The following MICAL3 variants were observed in gnomAD, a reference collection of about 807,000 sequenced individuals.
MICAL3 encodes the protein microtubule associated monooxygenase, calponin and LIM domain containing 3, also known as [F-actin]-monooxygenase MICAL3.
MICAL3 carries 62 observed loss-of-function variants against 207.4 expected under a neutral mutation model. The ratio of observed to expected loss-of-function variants is 0.30; its 90% CI spans 0.24 to 0.37. The LOEUF (loss-of-function observed/expected upper bound fraction) is 0.37. Ranked by LOEUF, MICAL3 falls within the 10% of genes least tolerant of loss-of-function variation. The pLI is 1.00. For missense variants in MICAL3, 2,368 were observed against 2,635.6 expected, an observed-to-expected ratio of 0.90 and a Z score of 2.22; for synonymous variants, 1,077 against 1,069.3, an observed-to-expected ratio of 1.01 and a Z score of -0.14.
intron 21 of MICAL3, among the ~76,000 whole-genome samples, chr22:17,830,712 G>A (rs1338531000): frequency 2.0e-5 from 3 of 152,218 alleles, no homozygotes; most frequent in East Asian, 1.9e-4. Flanking sequence ...GGGTCACTAA[G>A]GGCTGCCTGT....
chr22:17,821,080 G>C (rs1304589537), intron 25 of MICAL3, among the ~76,000 whole-genome samples: 1 of 150,834 alleles, frequency 6.6e-6, no homozygotes, highest in African/African-American at 2.4e-5. Context: ...TAATAAATTT[G>C]TTTAAATTAA....
chr22:17,960,438 C>T (rs1223594414), intron 1 of MICAL3, among the ~76,000 whole-genome samples: 2 of 152,190 alleles, frequency 1.3e-5, no homozygotes, highest in Non-Finnish European at 2.9e-5. Context: ...GTGAACAAAA[C>T]AAAAATTCCT....
At chr22:17,792,002 C>T (rs2061829633) in intron 29 of MICAL3, among the ~76,000 whole-genome samples, 1 of 152,234 alleles carries the variant, frequency 6.6e-6, no homozygotes, top group African/African-American at 2.4e-5. Flanking sequence ...TGCCCTGGTC[C>T]AATCCAACAG....
intron 1 of MICAL3, among the ~76,000 whole-genome samples, chr22:18,017,160 A>C (rs1271786176): frequency 1.3e-5 from 2 of 152,004 alleles, no homozygotes; most frequent in Non-Finnish European, 2.9e-5. Context: ...CCTTGTCCAC[A>C]ATCCCATGCC....
chr22:17,931,692 G>A (rs901254590), intron 1 of MICAL3, among the ~76,000 whole-genome samples: 1 of 152,214 alleles, frequency 6.6e-6, no homozygotes, highest in South Asian at 2.1e-4. Context: ...TGTGGAGGAA[G>A]GGCAGGGATG....
chr22:17,853,902 C>T (rs530157449), intron 19 of MICAL3, among the ~76,000 whole-genome samples: 15 of 152,320 alleles, frequency 9.8e-5, no homozygotes, highest in Non-Finnish European at 1.8e-4. Context: ...ATGCAGTCTT[C>T]GTACAGGGTC....
intron 1 of MICAL3, among the ~76,000 whole-genome samples, chr22:17,980,612 A>T (rs1935863088): frequency 6.6e-6 from 1 of 152,226 alleles, no homozygotes; most frequent in South Asian, 2.1e-4. Flanking sequence ...TCTTTTCTGA[A>T]GCCTATAAGT....
At chr22:17,821,973 G>A in intron 24 of MICAL3, 57 bp downstream of exon 24, 4 of 1,590,942 alleles carry the variant, frequency 2.5e-6, no homozygotes, top group Middle Eastern at 1.7e-4. Flanking sequence ...ACTCTTGTGT[G>A]CATATGGCCC....
At chr22:17,836,706 G>A (rs1028154281) in intron 20 of MICAL3, among the ~76,000 whole-genome samples, 3 of 150,668 alleles carry the variant, frequency 2.0e-5, no homozygotes, top group African/African-American at 7.3e-5. Context: ...GTGCAGTGGC[G>A]CGATCTAGGC....
intron 19 of MICAL3, chr22:17,863,313 C>T (rs1048559315): frequency 2.0e-6 from 2 of 985,366 alleles, no homozygotes; most frequent in Non-Finnish European, 2.4e-6. Context: ...TAGTCAGGTT[C>T]CTCAGAAAAT....
chr22:17,897,322 C>T (rs1014897433), intron 7 of MICAL3, among the ~76,000 whole-genome samples: 2 of 147,426 alleles, frequency 1.4e-5, no homozygotes. Context: ...ACTTGGGAAG[C>T]TGAGGCAGGA....
intron 21 of MICAL3, among the ~76,000 whole-genome samples, chr22:17,828,272 C>T (rs988111287): frequency 6.6e-6 from 1 of 152,258 alleles, no homozygotes; most frequent in Admixed American, 6.5e-5. Flanking sequence ...ACTCGCCCAG[C>T]TGATGGCCAG....
intron 7 of MICAL3, among the ~76,000 whole-genome samples, chr22:17,897,873 A>T (rs1290711650): frequency 4.6e-5 from 7 of 152,182 alleles, no homozygotes; most frequent in African/African-American, 1.7e-4. Context: ...AGGACTGAAA[A>T]ACTCCTTTTC....
intron 1 of MICAL3, among the ~76,000 whole-genome samples, chr22:17,947,565 C>A (rs867651190): frequency 3.5e-4 from 53 of 152,238 alleles, no homozygotes; most frequent in African/African-American, 1.2e-3. Context: ...CCCTCAAGAT[C>A]AAATTTTTAT....
chr22:17,885,188 G>A (rs1179137537), intron 16 of MICAL3, among the ~76,000 whole-genome samples: 1 of 152,216 alleles, frequency 6.6e-6, no homozygotes, highest in Non-Finnish European at 1.5e-5. Flanking sequence ...GTGCTGCTTA[G>A]CACTCAATGC....
At position 17,887,401 on chromosome 22, in the gene MICAL3, G is replaced by T. The variant is rs767347164; in HGVS notation, c.1926C>A (p.Val642=). 2.3e-5 allele frequency: 37 copies of T among 1,613,904 alleles called. No homozygotes were observed. In the Admixed American group the frequency reaches 6.0e-4, roughly 26 times the overall value. The change falls in exon 14 of 32, where the codon GTC becomes GTA. Residue 642 remains valine (V), a synonymous_variant. Transcript: ENST00000441493. ...TLDLNAEEKA[V]LIASTRSPIS... ...TAGGGGATCTGGTGCTGGCTATCAG[G>T]ACTGCTTTCTCCTCGGCATTTAGGT...
chr22:17,899,958 A>G (rs901372585), intron 6 of MICAL3, among the ~76,000 whole-genome samples: 7 of 152,258 alleles, frequency 4.6e-5, no homozygotes, highest in African/African-American at 1.7e-4. Context: ...GCCTGGAAGC[A>G]GAGAGTGAAC....
chr22:17,970,076 C>T (rs529165487), intron 1 of MICAL3, among the ~76,000 whole-genome samples: 1 of 152,294 alleles, frequency 6.6e-6, no homozygotes, highest in South Asian at 2.1e-4. Flanking sequence ...TTGCTCCAGC[C>T]GCTCCAGCAG....
At chr22:17,894,192 G>C (rs1477699444) in intron 10 of MICAL3, among the ~76,000 whole-genome samples, 1 of 152,016 alleles carries the variant, frequency 6.6e-6, no homozygotes, top group Non-Finnish European at 1.5e-5. Context: ...CCAGCAGATG[G>C]CTTAAGGCTA....
Sources: gnomAD v4.1 joint callset for allele counts (sites outside exome capture counted in the v4.1 genomes callset) on GRCh38, gnomAD v4.1.1 for gene constraint, MANE v1.5 for transcripts, NCBI Gene and HGNC (gene_info 2026-07-23, HGNC 2026-07-21) for gene names.